Variants in PMP22 observed in about 807,000 individuals in gnomAD.
The protein encoded by PMP22 is peripheral myelin protein 22.
Under a neutral mutation model 18.9 loss-of-function variants are expected in PMP22, and 2 were observed. The ratio of observed to expected loss-of-function variants is 0.11; its 90% confidence interval spans 0.04 to 0.33. The LOEUF is 0.33. PMP22 is among the 10% of genes least tolerant of loss of function. The pLI, the probability that PMP22 is intolerant of heterozygous loss-of-function variation, is 1.00. For missense variants in PMP22, 169 were observed against 202.2 expected (o/e 0.84, Z 1.00); for synonymous variants, 95 against 89.2 (o/e 1.07, Z -0.37).
At chr17:15,264,621 T>C (rs1263013298) in intron 1 of PMP22, among the ~76,000 whole-genome samples, 1 of 152,352 alleles carries the variant, frequency 6.6e-6, no homozygotes, top group East Asian at 1.9e-4. Context: ...ACCCAATAGT[T>C]TAATCAATAA....
intron 4 of PMP22, among the ~76,000 whole-genome samples, chr17:15,233,861 G>T (rs118166835): frequency 9.2e-5 from 14 of 152,330 alleles, no homozygotes; most frequent in African/African-American, 3.4e-4. Flanking sequence ...AAGCCACACG[G>T]ACTCTCATAT....
In PMP22 at chr17:15,258,953, T is replaced by C. The variant is rs1422669288; in HGVS notation, c.178+141A>G. ...ACCACCCCTCCCATTTTCCCTGGAC[T>C]CATGGCTCCCTGTCACATCCCACCC... On this transcript the variant is annotated intron_variant, in intron 3 of 4. Coordinates refer to ENST00000312280, the MANE Select transcript of PMP22 (RefSeq NM_000304.4). This position sits in a 1 kb window ranked among gnomAD's most constrained non-coding sequence, Gnocchi z 4.1. 6 of 714,522 alleles carry C rather than the reference T, an allele frequency of 8.4e-6. No individual in the cohort carries two copies. Among genetic ancestry groups the C allele is most frequent in the Non-Finnish European group, 1.5e-5 (6 of 391,900 alleles). The allele number at this position is 714,522 out of a possible 1,614,324, so 44.3% of individuals were successfully genotyped here.
intron 3 of PMP22, among the ~76,000 whole-genome samples, chr17:15,257,358 C>A (rs1301915640): frequency 4.6e-5 from 7 of 152,240 alleles, no homozygotes; most frequent in Non-Finnish European, 8.8e-5. Context: ...CGCCTCGTTT[C>A]TGCTGAAACT....
intron 3 of PMP22, among the ~76,000 whole-genome samples, chr17:15,256,018 G>T (rs1276397465): frequency 6.6e-6 from 1 of 152,136 alleles, no homozygotes; most frequent in African/African-American, 2.4e-5. Flanking sequence ...ATATCATAAC[G>T]AATATCCCCA....
chr17:15,242,211 C>T (rs1907390789), intron 3 of PMP22, among the ~76,000 whole-genome samples: 1 of 140,850 alleles, frequency 7.1e-6, no homozygotes, highest in South Asian at 2.3e-4. Flanking sequence ...CAAGATCACA[C>T]CACTGCACTC....
chr17:15,237,968 AT>A (rs142492024), intron 4 of PMP22, among the ~76,000 whole-genome samples: 1,608 of 152,084 alleles, frequency 0.011, 36 homozygotes, highest in African/African-American at 0.037. Context: ...TATGATCATT[AT>A]TTGATTTGAT....
At chr17:15,248,489 T>G (rs1908026620) in intron 3 of PMP22, among the ~76,000 whole-genome samples, 1 of 152,218 alleles carries the variant, frequency 6.6e-6, no homozygotes, top group African/African-American at 2.4e-5. Context: ...GGTCTAGTTC[T>G]GCACTTTGAC....
At chr17:15,247,535 C>G (rs1265721823) in intron 3 of PMP22, among the ~76,000 whole-genome samples, 1 of 152,152 alleles carries the variant, frequency 6.6e-6, no homozygotes, top group East Asian at 1.9e-4. Flanking sequence ...AAGATCAAAG[C>G]TCATTTCAAG....
chr17:15,247,301 G>A (rs1907919328), intron 3 of PMP22, among the ~76,000 whole-genome samples: 1 of 152,120 alleles, frequency 6.6e-6, no homozygotes, highest in Non-Finnish European at 1.5e-5. Flanking sequence ...CCCGGGAGGT[G>A]GAGCTTGCAG....
intron 4 of PMP22, among the ~76,000 whole-genome samples, chr17:15,233,545 C>T (rs541593005): frequency 6.6e-6 from 1 of 152,244 alleles, no homozygotes; most frequent in Non-Finnish European, 1.5e-5. Flanking sequence ...TGGAAGGAAG[C>T]ACCCAAGGGG....
chr17:15,258,837 T>C lies in PMP22; in HGVS notation c.178+257A>G. 1 of 530,246 alleles carries C rather than the reference T, an allele frequency of 1.9e-6. No individual in the cohort carries two copies. Among genetic ancestry groups the C allele is most frequent in the Non-Finnish European group, 3.4e-6 (1 of 292,604 alleles). 32.8% of individuals were successfully genotyped at this position (530,246 alleles called of 1,614,324 possible). On this transcript the variant is annotated intron_variant, in intron 3 of 4. Coordinates refer to ENST00000312280, the MANE Select transcript of PMP22 (RefSeq NM_000304.4). The surrounding 1 kb of genome is among the most constrained non-coding windows in gnomAD (Gnocchi z 4.1). ...TATTTTTTTCAATCACAAAAAGCAT[T>C]ATCCTAAGTGATCAGGAGGGCACTA...
At chr17:15,264,487 A>G (rs1909582240) in intron 1 of PMP22, among the ~76,000 whole-genome samples, 1 of 152,264 alleles carries the variant, frequency 6.6e-6, no homozygotes, top group African/African-American at 2.4e-5. Flanking sequence ...ATATGAGCAT[A>G]TCTAACTCAG....
At chr17:15,249,763 T>A (rs920044655) in intron 3 of PMP22, among the ~76,000 whole-genome samples, 11 of 152,166 alleles carry the variant, frequency 7.2e-5, no homozygotes, top group African/African-American at 2.4e-4. Flanking sequence ...GAGACGGGGG[T>A]CACCCTGCAG....
rs567083878 is a variant in PMP22 at position 15,248,234 on chromosome 17, C to T, written c.179-8623G>A. On this transcript the variant is annotated intron_variant, in intron 3 of 4. Transcript: ENST00000312280. ...ATGCGGAAAGCAAAACAGATGGAGA[C>T]AACTATGTGCCAGCATGGAGCTCAC... Among the ~76,000 whole-genome samples the T allele has an allele frequency of 3.4e-4, 52 of 152,248 alleles. 1 individual carries two copies. The South Asian group carries it at 0.011, about 31-fold the overall frequency.
chr17:15,251,372 A>G (rs1388451317), intron 3 of PMP22, among the ~76,000 whole-genome samples: 1 of 152,120 alleles, frequency 6.6e-6, no homozygotes, highest in African/African-American at 2.4e-5. Flanking sequence ...GAGCTGCACA[A>G]TGGCAGGGAC....
At chr17:15,244,605 T>C (rs990102483) in intron 3 of PMP22, among the ~76,000 whole-genome samples, 1 of 152,122 alleles carries the variant, frequency 6.6e-6, no homozygotes, top group Non-Finnish European at 1.5e-5. Flanking sequence ...TTTGCAGCAG[T>C]TAAAAAAATC....
At chr17:15,237,346 T>A (rs1211138575) in intron 4 of PMP22, among the ~76,000 whole-genome samples, 3 of 152,174 alleles carry the variant, frequency 2.0e-5, no homozygotes, top group Non-Finnish European at 2.9e-5. Flanking sequence ...TTAAAGAACT[T>A]AAAGCCGAAA....
At chr17:15,260,474 C>T in intron 2 of PMP22, 176 bp downstream of exon 2, 1 of 675,736 alleles carries the variant, frequency 1.5e-6, no homozygotes, top group Non-Finnish European at 2.7e-6. Context: ...ATCACTGAAT[C>T]TGCTCTCGTT....
At chr17:15,247,225 T>C (rs573749513) in intron 3 of PMP22, among the ~76,000 whole-genome samples, 7 of 151,964 alleles carry the variant, frequency 4.6e-5, no homozygotes, top group South Asian at 4.2e-4. Context: ...AAAAATTAGC[T>C]GGGCGTGGTG....
Sources: gnomAD v4.1 joint callset for allele counts (sites outside exome capture counted in the v4.1 genomes callset) on GRCh38, gnomAD v4.1.1 for gene constraint, Gnocchi (gnomAD v3.1) non-coding constraint, MANE v1.5 for transcripts, NCBI Gene and HGNC (gene_info 2026-07-23, HGNC 2026-07-21) for gene names.